DENND1A: variants seen among roughly 807,000 people sequenced by gnomAD.
DENND1A encodes the protein DENN domain-containing protein 1A.
A neutral mutation model predicts 113.7 loss-of-function variants in DENND1A; 51 were observed. That is an observed-to-expected ratio of 0.45 (90% CI 0.36 to 0.57). DENND1A has a LOEUF of 0.57. DENND1A is among the 20% of genes least tolerant of loss of function. The pLI is 0.00. For missense variants in DENND1A, 1,258 were observed against 1,395.9 expected, an observed-to-expected ratio of 0.90 and a Z score of 1.57; for synonymous variants, 565 against 570.8, an observed-to-expected ratio of 0.99 and a Z score of 0.14.
At chr9:123,797,871 T>C (rs1001389062) in intron 2 of DENND1A, among the ~76,000 whole-genome samples, 2 of 152,120 alleles carry the variant, frequency 1.3e-5, no homozygotes, top group African/African-American at 4.8e-5. Context: ...AAAATTACTC[T>C]TTTCAAAAAA....
intron 9 of DENND1A, among the ~76,000 whole-genome samples, chr9:123,634,577 T>C (rs944439771): frequency 2.0e-5 from 3 of 152,352 alleles, no homozygotes; most frequent in Non-Finnish European, 2.9e-5. Context: ...ATACAAACTT[T>C]AAAAGTAATG....
At chr9:123,848,951 G>A (rs1239707078) in intron 2 of DENND1A, among the ~76,000 whole-genome samples, 1 of 152,186 alleles carries the variant, frequency 6.6e-6, no homozygotes, top group South Asian at 2.1e-4. Context: ...GAAGCTGCAG[G>A]AGAGTTTGAA....
chr9:123,892,801 G>A (rs1397597994), intron 1 of DENND1A, among the ~76,000 whole-genome samples: 1 of 152,170 alleles, frequency 6.6e-6, no homozygotes, highest in African/African-American at 2.4e-5. Context: ...GGCCAACATG[G>A]TGAAACCCTG....
chr9:123,863,679 C>A (rs144707673), intron 2 of DENND1A, among the ~76,000 whole-genome samples: 16 of 152,006 alleles, frequency 1.1e-4, no homozygotes, highest in Admixed American at 4.6e-4. Context: ...ATGCTGCCTT[C>A]GCAAACTGTT....
At chr9:123,915,886 GACAA>G (rs137993076) in intron 1 of DENND1A, among the ~76,000 whole-genome samples, 13,079 of 152,034 alleles carry the variant, frequency 0.086, 953 homozygotes, top group African/African-American at 0.2. Flanking sequence ...TTTAAAGTTT[GACAA>G]ACACTCTGTT....
chr9:123,617,222 G>A (rs2060694877), intron 10 of DENND1A, among the ~76,000 whole-genome samples: 1 of 152,220 alleles, frequency 6.6e-6, no homozygotes, highest in African/African-American at 2.4e-5. Context: ...AACAACAGAG[G>A]ATGACGATCC....
intron 3 of DENND1A, among the ~76,000 whole-genome samples, chr9:123,773,130 C>T (rs1020937095): frequency 6.6e-6 from 1 of 152,026 alleles, no homozygotes; most frequent in African/African-American, 2.4e-5. Flanking sequence ...GAAATAAGAG[C>T]AGAGGGGGCA....
intron 9 of DENND1A, among the ~76,000 whole-genome samples, chr9:123,648,214 G>C (rs955917572): frequency 1.3e-5 from 2 of 152,138 alleles, no homozygotes; most frequent in Non-Finnish European, 2.9e-5. Flanking sequence ...CTAGTAGCTA[G>C]GAGTACAGGC....
At chr9:123,687,123 GGAA>G (rs977943222) in intron 5 of DENND1A, among the ~76,000 whole-genome samples, 2 of 152,126 alleles carry the variant, frequency 1.3e-5, no homozygotes, top group Admixed American at 6.5e-5. Flanking sequence ...GGTAAAGAAA[GGAA>G]GAAGGAGAGA....
At chr9:123,658,012 T>G (rs570613227) in intron 8 of DENND1A, among the ~76,000 whole-genome samples, 162 of 152,330 alleles carry the variant, frequency 1.1e-3, no homozygotes, top group Middle Eastern at 6.8e-3. Flanking sequence ...AATGGAATTC[T>G]CTATAATCGC....
chr9:123,458,574 G>C (rs2048312027), intron 13 of DENND1A, among the ~76,000 whole-genome samples: 1 of 152,068 alleles, frequency 6.6e-6, no homozygotes, highest in African/African-American at 2.4e-5. Context: ...GGCTATTTAG[G>C]GAGACATGCC....
At chr9:123,602,885 T>C (rs754835699) in intron 11 of DENND1A, among the ~76,000 whole-genome samples, 8 of 152,218 alleles carry the variant, frequency 5.3e-5, no homozygotes, top group Admixed American at 2.0e-4. Context: ...GAGGTCTCAC[T>C]GTGTTGCCCA....
At chr9:123,436,342 C>T (rs1270794929) in intron 19 of DENND1A, among the ~76,000 whole-genome samples, 1 of 152,254 alleles carries the variant, frequency 6.6e-6, no homozygotes, top group Admixed American at 6.5e-5. Context: ...CTGGAGAGAC[C>T]TGCCATTGTC....
At chr9:123,413,858 C>T (rs776000481) in intron 19 of DENND1A, 6 of 985,186 alleles carry the variant, frequency 6.1e-6, no homozygotes, top group Non-Finnish European at 7.2e-6. Context: ...CACCATTCAT[C>T]AAGAGGAAGA....
At chr9:123,906,056 C>G (rs1051107585) in intron 1 of DENND1A, among the ~76,000 whole-genome samples, 44 of 152,140 alleles carry the variant, frequency 2.9e-4, no homozygotes, top group African/African-American at 1.1e-3. Context: ...AAGAATCTCA[C>G]TCAAAACCGC....
chr9:123,648,354 GGT>G (rs2062454517), intron 9 of DENND1A, among the ~76,000 whole-genome samples: 1 of 152,182 alleles, frequency 6.6e-6, no homozygotes, highest in South Asian at 2.1e-4. Context: ...TGGGATTATA[GGT>G]GTAAGTCATT....
At chr9:123,833,922 G>A (rs1004631151) in intron 2 of DENND1A, among the ~76,000 whole-genome samples, 2 of 152,130 alleles carry the variant, frequency 1.3e-5, no homozygotes, top group African/African-American at 4.8e-5. Context: ...TGGGCATGGT[G>A]GCACATGCTT....
intron 20 of DENND1A, among the ~76,000 whole-genome samples, chr9:123,407,531 G>A (rs547384436): frequency 2.6e-5 from 4 of 152,170 alleles, no homozygotes; most frequent in African/African-American, 9.6e-5. Flanking sequence ...AATGAAGCCC[G>A]AATCACAGAC....
intron 11 of DENND1A, among the ~76,000 whole-genome samples, chr9:123,605,240 C>T (rs1458411281): frequency 6.6e-6 from 1 of 152,048 alleles, no homozygotes; most frequent in Non-Finnish European, 1.5e-5. Flanking sequence ...TAGAAAATAC[C>T]TTCTGGATGC....
Sources: gnomAD v4.1 joint callset for allele counts (sites outside exome capture counted in the v4.1 genomes callset) on GRCh38, gnomAD v4.1.1 for gene constraint, MANE v1.5 for transcripts, NCBI Gene and HGNC (gene_info 2026-07-23, HGNC 2026-07-21) for gene names.